The following RGS8 variants were observed in gnomAD, a reference collection of about 807,000 sequenced individuals.
The protein encoded by RGS8 is regulator of G-protein signaling 8.
RGS8 carries 8 observed loss-of-function variants against 21.7 expected under a neutral mutation model. The ratio of observed to expected loss-of-function variants is 0.37; its 90% CI spans 0.22 to 0.66. RGS8 has a LOEUF of 0.66. Ranked by LOEUF, RGS8 falls within the 30% of genes least tolerant of loss-of-function variation. The probability of loss-of-function intolerance (pLI) is 0.59; values close to 1 mark genes in which losing one functional copy is unlikely to be tolerated. For missense variants in RGS8, 157 were observed against 217.9 expected (o/e 0.72, Z 1.76); for synonymous variants, 80 against 83.6 (o/e 0.96, Z 0.24).
the RGS8 span, among the ~76,000 whole-genome samples, chr1:182,718,502 C>G: frequency 1.8e-4 from 28 of 152,322 alleles, no homozygotes; most frequent in African/African-American, 6.5e-4. Context: ...CAGGCAGATG[C>G]CAGCAGTGGA....
chr1:182,684,737 A>G (rs1185204662), upstream of RGS8, among the ~76,000 whole-genome samples: 1 of 152,126 alleles, frequency 6.6e-6, no homozygotes, highest in Non-Finnish European at 1.5e-5. This position sits in a 1 kb window ranked among gnomAD's most constrained non-coding sequence, Gnocchi z 4.2. Flanking sequence ...GCTCGCTCAC[A>G]GACAGCTGCC....
intron 5 of RGS8, among the ~76,000 whole-genome samples, chr1:182,655,981 C>A (rs1330378535): frequency 6.6e-6 from 1 of 152,158 alleles, no homozygotes; most frequent in Non-Finnish European, 1.5e-5. Flanking sequence ...CAAGCCCAAG[C>A]GTTCTCATCT....
downstream of RGS8, chr1:182,644,301 T>C (rs1394486882): frequency 6.6e-6 from 1 of 152,252 alleles, no homozygotes; most frequent in Non-Finnish European, 1.5e-5. Context: ...GGGAAGATCA[T>C]GTCTGCCGTG....
chr1:182,735,884 C>A, the RGS8 span, among the ~76,000 whole-genome samples: 1 of 152,166 alleles, frequency 6.6e-6, no homozygotes. Context: ...GGCCTTTCTG[C>A]CCCCAAATAT....
upstream of RGS8, chr1:182,672,292 A>T (rs1403107311): frequency 5.7e-6 from 1 of 176,274 alleles, no homozygotes. Flanking sequence ...AGCCACTCCA[A>T]ATCAAATCTC....
chr1:182,685,225 G>A (rs1664673695), upstream of RGS8, among the ~76,000 whole-genome samples: 1 of 152,218 alleles, frequency 6.6e-6, no homozygotes, highest in African/African-American at 2.4e-5. Context: ...GGGTGGTGGT[G>A]GCAAGAACAG....
intron 5 of RGS8, among the ~76,000 whole-genome samples, chr1:182,663,289 T>G (rs1324021080): frequency 1.3e-5 from 2 of 152,358 alleles, no homozygotes; most frequent in African/African-American, 4.8e-5. Context: ...TAACCTGGGC[T>G]GACTGCTCCA....
intron 5 of RGS8, among the ~76,000 whole-genome samples, chr1:182,655,951 G>T (rs1403125576): frequency 2.6e-5 from 4 of 152,254 alleles, no homozygotes; most frequent in Non-Finnish European, 4.4e-5. Flanking sequence ...CATGACCTTG[G>T]AAAAGTGCCT....
chr1:182,735,161 C>T, the RGS8 span, among the ~76,000 whole-genome samples: 6 of 152,156 alleles, frequency 3.9e-5, no homozygotes, highest in African/African-American at 9.7e-5. Context: ...CTGGGCAGTG[C>T]AGTCCTAAGA....
chr1:182,704,180 T>C, the RGS8 span, among the ~76,000 whole-genome samples: 2 of 152,266 alleles, frequency 1.3e-5, no homozygotes, highest in Non-Finnish European at 2.9e-5. Context: ...TGTAATTTTC[T>C]GTGCTTCTCC....
At chr1:182,691,774 G>A in the RGS8 span, among the ~76,000 whole-genome samples, 2 of 151,886 alleles carry the variant, frequency 1.3e-5, no homozygotes, top group Admixed American at 6.6e-5. Flanking sequence ...AATGATGCCC[G>A]CTCTCACCAC....
chr1:182,751,444 C>T, the RGS8 span, among the ~76,000 whole-genome samples: 2 of 152,162 alleles, frequency 1.3e-5, no homozygotes, highest in Non-Finnish European at 2.9e-5. Context: ...ATAAGACAGA[C>T]ACAGTCCCTG....
chr1:182,665,903 C>A, intron 5 of RGS8, 66 bp downstream of exon 6: 1 of 1,399,278 alleles, frequency 7.1e-7, no homozygotes, highest in Non-Finnish European at 1.0e-6. Context: ...TCATCACAGG[C>A]CTTTGGTACA....
the RGS8 span, among the ~76,000 whole-genome samples, chr1:182,741,149 C>T: frequency 6.7e-6 from 1 of 149,784 alleles, no homozygotes; most frequent in Non-Finnish European, 1.5e-5. Context: ...AGGCGCCCCT[C>T]ACCTCCCGGA....
exon 4 of RGS8, chr1:182,666,948 C>T: frequency 1.2e-6 from 2 of 1,614,044 alleles, no homozygotes; most frequent in Non-Finnish European, 1.7e-6. Flanking sequence ...GACAGGCATC[C>T]CAGTCGAGTC....
At chr1:182,741,684 T>A in the RGS8 span, among the ~76,000 whole-genome samples, 1 of 102,130 alleles carries the variant, frequency 9.8e-6, no homozygotes, top group Non-Finnish European at 2.2e-5. Context: ...GGCTCCTCAC[T>A]TCCCAGTAGG....
chr1:182,717,152 A>G, the RGS8 span, among the ~76,000 whole-genome samples: 2 of 152,224 alleles, frequency 1.3e-5, no homozygotes, highest in Non-Finnish European at 2.9e-5. Context: ...AGTCTAAACA[A>G]GCTCTGAGAA....
upstream of RGS8, among the ~76,000 whole-genome samples, chr1:182,685,869 ACCT>A (rs1213773660): frequency 1.3e-5 from 2 of 151,862 alleles, no homozygotes; most frequent in Non-Finnish European, 2.9e-5. Context: ...GACGACTAAG[ACCT>A]CCTTGTCATG....
chr1:182,693,083 G>T, the RGS8 span, among the ~76,000 whole-genome samples: 1 of 152,060 alleles, frequency 6.6e-6, no homozygotes, highest in East Asian at 1.9e-4. Flanking sequence ...TACTTTATGG[G>T]GAAGACTCCA....
Sources: allele counts gnomAD v4.1 joint callset (sites outside exome capture counted in the v4.1 genomes callset), GRCh38; gene constraint gnomAD v4.1.1; non-coding constraint Gnocchi (gnomAD v3.1); transcripts MANE v1.5; gene names NCBI Gene and HGNC (gene_info 2026-07-23, HGNC 2026-07-21).